Variants in VWDE observed in about 807,000 individuals in gnomAD.
The protein encoded by VWDE is von Willebrand factor D and EGF domains, also known as von Willebrand factor D and EGF domain-containing protein.
In VWDE, 207 loss-of-function variants were observed where a neutral mutation model predicts 178.4. That is an observed-to-expected ratio of 1.16 (90% CI 1.04 to 1.30). The LOEUF is 1.30. Among genes scored for constraint, VWDE ranks in the 50% most tolerant of loss-of-function variants. The pLI is 0.00. For synonymous variants in VWDE, 738 were observed against 651.4 expected (o/e 1.13, Z -2.02); for missense variants, 2,287 against 1,901.3 (o/e 1.20, Z -3.77).
In VWDE at chr7:12,361,385, G is replaced by T; in HGVS notation, c.3035C>A (p.Thr1012Asn). ...TTTTACCTTCAACTGCCACTTCCCA[G>T]TTGGTTTCCCACCCACCAGATCCAT... ...DTMDLVGGKP[T>N]GKWQLKVSND... Residue 1012 changes from threonine (T) to asparagine (N), a missense_variant, in exon 14 of 29, where the codon ACT becomes AAT. Transcript: ENST00000275358. 3 of 1,549,288 alleles carry T rather than the reference G, an allele frequency of 1.9e-6. No homozygotes were observed. Among genetic ancestry groups the T allele is most frequent in the South Asian group, 2.4e-5 (2 of 83,292 alleles).
chr7:12,390,565 A>C (rs1284347815), intron 2 of VWDE, among the ~76,000 whole-genome samples: 1 of 151,648 alleles, frequency 6.6e-6, no homozygotes, highest in Non-Finnish European at 1.5e-5. Flanking sequence ...TTAAAATATA[A>C]AAGTTAAATA....
intron 18 of VWDE, among the ~76,000 whole-genome samples, chr7:12,352,417 C>G (rs533731394): frequency 1.3e-3 from 194 of 152,292 alleles, no homozygotes; most frequent in African/African-American, 4.4e-3. Flanking sequence ...AACCAAAAGT[C>G]CTTTTGTATT....
At chr7:12,378,302 T>G (rs564555429) in intron 6 of VWDE, among the ~76,000 whole-genome samples, 1 of 152,344 alleles carries the variant, frequency 6.6e-6, no homozygotes, top group South Asian at 2.1e-4. Context: ...CTGGTTTTTC[T>G]TAGGGATTAA....
At chr7:12,344,814 T>C (rs1348133585) in intron 19 of VWDE, among the ~76,000 whole-genome samples, 10 of 152,198 alleles carry the variant, frequency 6.6e-5, no homozygotes, top group Admixed American at 6.5e-4. Flanking sequence ...TATAACTTGC[T>C]GTAATCTCGA....
At chr7:12,337,111 C>T (rs777964708) in intron 25 of VWDE, 28 bp from the exon 26 acceptor site, 18 of 1,551,228 alleles carry the variant, frequency 1.2e-5, no homozygotes, top group Non-Finnish European at 8.7e-7. Flanking sequence ...AAAAGTCAGC[C>T]CTTAAATTCA....
rs930198514 is a variant in VWDE, at chr7:12,375,032, T to C, written c.1220A>G (p.Asn407Ser). The change falls in exon 8 of 29, where the codon AAC becomes AGC. Residue 407 changes from asparagine (N) to serine (S), a missense_variant. Physicochemically the swap from Asn to Ser is conservative, Grantham distance 46. Transcript: ENST00000275358. ...AACCTGGATGCTGTCTGGAATGTAGTTGTTCCACAGGAAATCCTCATTAAC... is the reference window on the plus strand; with the variant it reads ...AACCTGGATGCTGTCTGGAATGTAGCTGTTCCACAGGAAATCCTCATTAAC... ...PIVNEDFLWN[N>S]YIPDSIQIKV... 1.9e-6 allele frequency: 3 copies of C among 1,551,146 alleles called. No homozygotes were observed. Among genetic ancestry groups the C allele is most frequent in the Non-Finnish European group, 1.7e-6 (2 of 1,146,626 alleles).
chr7:12,377,850 G>A lies in VWDE; in HGVS notation c.950C>T (p.Pro317Leu). Residue 317 changes from proline to leucine, a missense_variant, in exon 7 of 29, where the codon CCT becomes CTT. Pro to Leu is a moderately conservative substitution (Grantham distance 98, BLOSUM62 -3). Transcript: ENST00000275358. ...EYYLRIESTV[P>L]IICSEFSELD... is the part of the protein sequence containing the mutation. ...CTCACTAAATTCAGAACAAATAATA[G>A]GAACTGTGCTTTCTATCCTCAGGTA... 1 of 1,527,910 alleles carries A rather than the reference G, an allele frequency of 6.5e-7. No homozygotes were observed. Among genetic ancestry groups the A allele is most frequent in the Non-Finnish European group, 8.8e-7 (1 of 1,135,556 alleles). 94.6% of individuals were successfully genotyped at this position (1,527,910 alleles called of 1,614,324 possible). A position where few individuals can be genotyped will look rare whatever the true frequency, so the allele number is the denominator to read the frequency against.
intron 18 of VWDE, among the ~76,000 whole-genome samples, chr7:12,353,388 C>A (rs1247568505): frequency 2.1e-5 from 3 of 145,158 alleles, no homozygotes; most frequent in Non-Finnish European, 4.5e-5. Flanking sequence ...AATATAGCCA[C>A]ACTGGGAGTT....
intron 2 of VWDE, among the ~76,000 whole-genome samples, chr7:12,393,313 T>A (rs542005310): frequency 6.6e-6 from 1 of 152,296 alleles, no homozygotes; most frequent in East Asian, 1.9e-4. Context: ...ATATATGTTT[T>A]CTGCACTGTT....
intron 25 of VWDE, 33 bp downstream of exon 25, chr7:12,337,144 T>C: frequency 6.4e-7 from 1 of 1,551,264 alleles, no homozygotes; most frequent in Non-Finnish European, 8.7e-7. Context: ...TGGCTTTAGC[T>C]GTAGTTGACA....
At chr7:12,379,204 G>A (rs1429864613) in intron 6 of VWDE, among the ~76,000 whole-genome samples, 2 of 152,302 alleles carry the variant, frequency 1.3e-5, no homozygotes. Context: ...GTTACACGAT[G>A]GAATGAATTA....
chr7:12,392,160 G>A (rs1349599500), intron 2 of VWDE, among the ~76,000 whole-genome samples: 2 of 152,194 alleles, frequency 1.3e-5, no homozygotes, highest in Non-Finnish European at 2.9e-5. Flanking sequence ...TGTGACTCAT[G>A]CTTAGTGTCT....
intron 1 of VWDE, among the ~76,000 whole-genome samples, chr7:12,395,353 A>G (rs1204748182): frequency 1.3e-5 from 2 of 152,192 alleles, no homozygotes; most frequent in Non-Finnish European, 2.9e-5. Flanking sequence ...GTGTGCATAA[A>G]TTATTAAAAT....
Position 12,366,330 on chromosome 7 carries a change from C to T in VWDE, c.2898+1027G>A, listed in dbSNP as rs1782859096. On this transcript the variant is annotated intron_variant, in intron 13 of 28. Transcript: ENST00000275358. ...CAGGTAGTATGAGAGTAAATCACAA[C>T]AAACAATGCATCTGAAGGTAAGTAC... 4.6e-5 allele frequency among the ~76,000 whole-genome samples: 7 copies of T among 152,094 alleles called. No homozygotes were observed. The South Asian group carries it at 1.5e-3, about 32-fold the overall frequency.
chr7:12,361,067 A>T, intron 15 of VWDE, 80 bp downstream of exon 15: 1 of 866,570 alleles, frequency 1.2e-6, no homozygotes, highest in Non-Finnish European at 1.7e-6. Flanking sequence ...AAGTGAAAAA[A>T]CTACAATTAA....
Position 12,379,473 on chromosome 7 carries a change from G to C in VWDE, c.879+4C>G. On this transcript the variant is annotated splice_donor_region_variant and intron_variant, in intron 6 of 28. Coordinates refer to ENST00000275358, the MANE Select transcript of VWDE (RefSeq NM_001135924.3). ...CTTTCTGATGCATCCCCACTGCTGC[G>C]TACCTTAAAGCCTGCAAAAAATTCT... 6.5e-7 allele frequency: 1 copy of C among 1,544,148 alleles called. No homozygotes were observed. Among genetic ancestry groups the C allele is most frequent in the East Asian group, 2.5e-5 (1 of 40,776 alleles).
At chr7:12,401,440 T>C (rs1784889137) in intron 1 of VWDE, among the ~76,000 whole-genome samples, 1 of 152,122 alleles carries the variant, frequency 6.6e-6, no homozygotes, top group South Asian at 2.1e-4. Flanking sequence ...AAATAACTTA[T>C]ACAACTCAAT....
intron 23 of VWDE, among the ~76,000 whole-genome samples, chr7:12,341,030 C>T (rs1781301273): frequency 1.3e-5 from 2 of 152,218 alleles, no homozygotes; most frequent in African/African-American, 4.8e-5. Context: ...CTATTTTCTT[C>T]CTCACTCCAC....
chr7:12,350,165 T>A (rs915018328), intron 19 of VWDE, among the ~76,000 whole-genome samples: 3 of 151,288 alleles, frequency 2.0e-5, no homozygotes, highest in African/African-American at 7.4e-5. Flanking sequence ...AATATATTTG[T>A]GACATATAAA....
Sources: allele counts gnomAD v4.1 joint callset (sites outside exome capture counted in the v4.1 genomes callset), GRCh38; gene constraint gnomAD v4.1.1; transcripts MANE v1.5; gene names NCBI Gene and HGNC (gene_info 2026-07-23, HGNC 2026-07-21).